C11orf54: variants seen among roughly 807,000 people sequenced by gnomAD.
The protein encoded by C11orf54 is beta-keto L-gulonate decarboxylase.
Under a neutral mutation model 35.5 loss-of-function variants are expected in C11orf54, and 29 were observed. The ratio of observed to expected loss-of-function variants is 0.82; its 90% CI spans 0.61 to 1.11. C11orf54 has a LOEUF of 1.11. Ranked by LOEUF, C11orf54 falls within the 50% of genes most tolerant of loss-of-function variation. The pLI is 0.00. For synonymous variants in C11orf54, 108 were observed against 121.1 expected (o/e 0.89, Z 0.71); for missense variants, 373 against 369.2 (o/e 1.01, Z -0.08).
chr11:93,755,904 GCCTGTATTC>G (rs1943117655), intron 6 of C11orf54, among the ~76,000 whole-genome samples: 1 of 151,722 alleles, frequency 6.6e-6, no homozygotes, highest in South Asian at 2.1e-4. Flanking sequence ...GGTGGCTCAC[GCCTGTATTC>G]CCAAGCATTT....
intron 1 of C11orf54, chr11:93,746,212 G>A (rs1252919985): frequency 2.0e-5 from 3 of 152,184 alleles, no homozygotes; most frequent in Admixed American, 2.0e-4. Context: ...AAAAAATTTG[G>A]AAGAATATTT....
chr11:93,758,612 C>A (rs1943291799), intron 7 of C11orf54, among the ~76,000 whole-genome samples: 1 of 152,258 alleles, frequency 6.6e-6, no homozygotes, highest in Non-Finnish European at 1.5e-5. Flanking sequence ...AGAGCCCGGT[C>A]GCTGTCGCAG....
rs1260519295 is a variant in C11orf54, at chr11:93,755,108, G to A, written c.331-102G>A. ...ATTTTATGTTCTCTTATTAGGACTT[G>A]AACTAAAATGTCTTAAAAGGATTAA... On this transcript the variant is annotated intron_variant, in intron 5 of 8. Coordinates refer to ENST00000354421, the MANE Select transcript of C11orf54 (RefSeq NM_001286069.2). 2.5e-6 allele frequency: 3 copies of A among 1,192,842 alleles called. No individual in the cohort carries two copies. In the East Asian group the frequency reaches 7.5e-5, roughly 30 times the overall value. The allele number at this position is 1,192,842 out of a possible 1,614,324, so 73.9% of individuals were successfully genotyped here.
chr11:93,754,980 G>GC (rs911284008), intron 5 of C11orf54: 3 of 339,638 alleles, frequency 8.8e-6, no homozygotes, highest in East Asian at 6.5e-5. Context: ...CTCGTGATCC[G>GC]CCCCCCTTGG....
At chr11:93,754,594 T>C (rs1202722168) in intron 5 of C11orf54, among the ~76,000 whole-genome samples, 1 of 152,174 alleles carries the variant, frequency 6.6e-6, no homozygotes, top group African/African-American at 2.4e-5. Context: ...CAGATATGAA[T>C]AGTAGTCATA....
intron 5 of C11orf54, 64 bp from the exon 6 acceptor site, chr11:93,755,146 A>T (rs563021128): frequency 1.3e-6 from 2 of 1,489,338 alleles, no homozygotes; most frequent in East Asian, 4.5e-5. Flanking sequence ...GTTTTGTAAC[A>T]TTATTCAAGA....
In C11orf54 at chr11:93,761,887, T is replaced by C. The variant is rs1022497156; in HGVS notation, c.*199T>C. 5 of 392,040 alleles carry C rather than the reference T, an allele frequency of 1.3e-5. No individual in the cohort carries two copies. Among genetic ancestry groups the C allele is most frequent in the Middle Eastern group, 7.0e-4 (1 of 1,426 alleles). The allele number at this position is 392,040 out of a possible 1,614,324, so 24.3% of individuals were successfully genotyped here. A position where few individuals can be genotyped will look rare whatever the true frequency, so the allele number is the denominator to read the frequency against. ...GAGTTTGAGACCAGCTTGGGCAACA[T>C]AGCAAGACCCTGTCTATTTTTTTAA... On this transcript the variant is annotated 3_prime_UTR_variant, in exon 9 of 9. Transcript: ENST00000354421.
intron 3 of C11orf54, 79 bp from the exon 4 acceptor site, chr11:93,753,603 T>C: frequency 8.1e-7 from 1 of 1,233,300 alleles, no homozygotes; most frequent in South Asian, 1.2e-5. Context: ...AGTTATATAC[T>C]GTTGGCATTT....
At chr11:93,745,202 CTCTTT>C (rs1253513181) in intron 1 of C11orf54, among the ~76,000 whole-genome samples, 1 of 152,162 alleles carries the variant, frequency 6.6e-6, no homozygotes, top group Non-Finnish European at 1.5e-5. Flanking sequence ...AGAGGCCTTC[CTCTTT>C]TACTAATCCT....
chr11:93,745,500 CAT>C (rs764089877), intron 1 of C11orf54, among the ~76,000 whole-genome samples: 49 of 152,322 alleles, frequency 3.2e-4, no homozygotes, highest in African/African-American at 9.9e-4. Flanking sequence ...CAATACAGCA[CAT>C]GTTTCTGTAA....
chr11:93,764,419 G>A lies in C11orf54; in HGVS notation c.*2731G>A, dbSNP rs1943577029. 6.6e-6 allele frequency: 1 copy of A among 152,088 alleles called. No homozygotes were observed. Among genetic ancestry groups the A allele is most frequent in the Non-Finnish European group, 1.5e-5 (1 of 68,034 alleles). The allele number at this position is 152,088 out of a possible 1,614,324, so 9.4% of individuals were successfully genotyped here. On this transcript the variant is annotated 3_prime_UTR_variant, in exon 9 of 9. Transcript: ENST00000354421. ...CCTTCCAAGGGGTGTGGGAATATTA[G>A]AACATCTATTTATATATTTTATTTC...
chr11:93,749,666 AAGAG>A lies in C11orf54; in HGVS notation c.56-675_56-672del, dbSNP rs1011094842. On this transcript the variant is annotated intron_variant, in intron 2 of 8. Transcript: ENST00000354421. ...CTGGTCTCTACATATAAAAGAAAAA[AAGAG>A]AGAGGGAAATACATTGGTCTTACAT... is the stretch of plus-strand genomic sequence containing the variant. Among the ~76,000 whole-genome samples, 5 of 152,220 alleles carry A rather than the reference AAGAG, an allele frequency of 3.3e-5. No individual in the cohort carries two copies. The East Asian group carries it at 7.7e-4, about 24-fold the overall frequency.
rs780648367 is a variant in C11orf54 at position 93,755,282 on chromosome 11, C to A, written c.403C>A (p.Pro135Thr). ...TGGAAGTTACTTTGCCCATGTGAAC[C>A]CTGCAGATGGAGGGTGCCTACTGGA... ...VNGSYFAHVN[P>T]ADGGCLLEKY... Residue 135 changes from proline (P) to threonine (T), a missense_variant, in exon 6 of 9, where the codon CCT (proline) becomes ACT (threonine). By Grantham distance (38) the Pro-to-Thr change is conservative. Transcript: ENST00000354421. The A allele has an allele frequency of 1.2e-6, 2 of 1,613,984 alleles. No individual in the cohort carries two copies. Among genetic ancestry groups the A allele is most frequent in the Admixed American group, 3.3e-5 (2 of 60,004 alleles).
intron 3 of C11orf54, among the ~76,000 whole-genome samples, chr11:93,752,703 A>AAT (rs1942906767): frequency 6.6e-6 from 1 of 151,018 alleles, no homozygotes; most frequent in Non-Finnish European, 1.5e-5. Context: ...TTACTACCTG[A>AAT]ATATAACTTT....
Position 93,747,367 on chromosome 11 carries a change from C to G in C11orf54, c.-27C>G. 9 of 1,562,892 alleles carry G rather than the reference C, an allele frequency of 5.8e-6. No individual in the cohort carries two copies. The highest frequency in any genetic ancestry group is 7.8e-6 in the Non-Finnish European group (9 of 1,157,460). Reference sequence around the variant, plus strand: ...TTAACCAAGAGTAGCTCTATTTGTCCAACCTCACACCTAAAGAAGAAAGAA... The same window carrying G: ...TTAACCAAGAGTAGCTCTATTTGTCGAACCTCACACCTAAAGAAGAAAGAA... On this transcript the variant is annotated 5_prime_UTR_variant, in exon 2 of 9. Transcript: ENST00000354421.
intron 1 of C11orf54, 52 bp downstream of exon 1, chr11:93,741,780 G>A (rs958348919): frequency 1.1e-4 from 34 of 307,864 alleles, no homozygotes; most frequent in Non-Finnish European, 2.0e-4. Context: ...CAAAACGTGC[G>A]GTCACTTGTG....
rs1164320131 is a variant in C11orf54 at position 93,762,640 on chromosome 11, A to C, written c.*952A>C. 6.6e-6 allele frequency: 1 copy of C among 152,188 alleles called. No homozygotes were observed. The highest frequency in any genetic ancestry group is 1.5e-5 in the Non-Finnish European group (1 of 68,038). 9.4% of individuals were successfully genotyped at this position (152,188 alleles called of 1,614,324 possible). A position where few individuals can be genotyped will look rare whatever the true frequency, so the allele number is the denominator to read the frequency against. On this transcript the variant is annotated 3_prime_UTR_variant, in exon 9 of 9. Transcript: ENST00000354421. ...AATGTTTCTTAAATAAAAAAAACACAAACATTAGCAACTAGTTGGCTAGCC... is the reference window on the plus strand; with the variant it reads ...AATGTTTCTTAAATAAAAAAAACACCAACATTAGCAACTAGTTGGCTAGCC...
chr11:93,760,349 G>A (rs1943390189), intron 8 of C11orf54, among the ~76,000 whole-genome samples: 1 of 152,188 alleles, frequency 6.6e-6, no homozygotes, highest in Non-Finnish European at 1.5e-5. Context: ...TTTTACCTTT[G>A]AGAAAATGAA....
intron 2 of C11orf54, among the ~76,000 whole-genome samples, chr11:93,749,727 A>G (rs978136084): frequency 1.3e-5 from 2 of 152,188 alleles, no homozygotes; most frequent in Non-Finnish European, 2.9e-5. Flanking sequence ...GCTTTTTTAC[A>G]TTGTTACTGA....
Sources: allele counts gnomAD v4.1 joint callset (sites outside exome capture counted in the v4.1 genomes callset), GRCh38; gene constraint gnomAD v4.1.1; transcripts MANE v1.5; gene names NCBI Gene and HGNC (gene_info 2026-07-23, HGNC 2026-07-21).